Variants in RPS6KC1 observed in about 807,000 individuals in gnomAD.
RPS6KC1 encodes the protein inactive ribosomal protein S6 kinase delta-1.
RPS6KC1 carries 54 observed loss-of-function variants against 103.8 expected under a neutral mutation model. The observed-to-expected ratio is 0.52, with a 90% CI of 0.42 to 0.65. RPS6KC1 has a LOEUF of 0.65. Ranked by LOEUF, RPS6KC1 falls within the 30% of genes least tolerant of loss-of-function variation. The pLI is 0.00. For missense variants in RPS6KC1, 1,151 were observed against 1,253.8 expected (o/e 0.92, Z 1.24); for synonymous variants, 439 against 438.7 (o/e 1.00, Z -0.01).
chr1:213,772,495 T>C, the RPS6KC1 span, among the ~76,000 whole-genome samples: 1 of 152,354 alleles, frequency 6.6e-6, no homozygotes, highest in Non-Finnish European at 1.5e-5. Flanking sequence ...GTATACTTCA[T>C]TTGCTGAACT....
the RPS6KC1 span, among the ~76,000 whole-genome samples, chr1:213,552,073 T>C: frequency 1.3e-5 from 2 of 152,230 alleles, no homozygotes; most frequent in South Asian, 4.1e-4. Flanking sequence ...ACTATCTGGG[T>C]GTACCACAGG....
chr1:213,388,885 T>C, the RPS6KC1 span, among the ~76,000 whole-genome samples: 35 of 152,234 alleles, frequency 2.3e-4, no homozygotes, highest in Non-Finnish European at 4.1e-4. Flanking sequence ...GGCTCCCCTG[T>C]CTTCTTTCAG....
chr1:213,245,268 C>A (rs557645466), intron 12 of RPS6KC1, among the ~76,000 whole-genome samples: 18 of 152,260 alleles, frequency 1.2e-4, no homozygotes, highest in African/African-American at 3.8e-4. Flanking sequence ...TATTTCAATA[C>A]TTAAAAATAC....
the RPS6KC1 span, among the ~76,000 whole-genome samples, chr1:213,284,938 AAGAG>A: frequency 6.6e-6 from 1 of 152,224 alleles, no homozygotes; most frequent in Non-Finnish European, 1.5e-5. Context: ...CAGTGAAAGA[AAGAG>A]AGCCAAGGAT....
the RPS6KC1 span, among the ~76,000 whole-genome samples, chr1:213,314,041 T>G: frequency 1.3e-5 from 2 of 152,080 alleles, no homozygotes; most frequent in African/African-American, 4.8e-5. Flanking sequence ...AGGGCCCTGC[T>G]TCCTCCGAGA....
chr1:213,502,780 G>A, the RPS6KC1 span, among the ~76,000 whole-genome samples: 1 of 152,046 alleles, frequency 6.6e-6, no homozygotes, highest in Admixed American at 6.6e-5. Context: ...GTTATCTTTG[G>A]GTGACAGAAT....
the RPS6KC1 span, among the ~76,000 whole-genome samples, chr1:213,474,539 C>A: frequency 6.6e-6 from 1 of 152,130 alleles, no homozygotes; most frequent in African/African-American, 2.4e-5. Flanking sequence ...TGAAGGGGAC[C>A]TTTCCAGGAC....
chr1:213,543,345 A>C, the RPS6KC1 span, among the ~76,000 whole-genome samples: 5 of 152,278 alleles, frequency 3.3e-5, no homozygotes, highest in South Asian at 1.0e-3. Context: ...ACAAAGGTAG[A>C]GGCAACAGGG....
intron 6 of RPS6KC1, among the ~76,000 whole-genome samples, chr1:213,152,245 C>T (rs1449064611): frequency 6.9e-6 from 1 of 145,034 alleles, no homozygotes; most frequent in African/African-American, 2.6e-5. Flanking sequence ...GCCCCCACCT[C>T]CCTCCCGGAC....
At chr1:213,573,431 A>G in the RPS6KC1 span, among the ~76,000 whole-genome samples, 2 of 152,208 alleles carry the variant, frequency 1.3e-5, no homozygotes, top group Admixed American at 1.3e-4. Flanking sequence ...CATAAGAAGA[A>G]TGACCAGGGC....
the RPS6KC1 span, among the ~76,000 whole-genome samples, chr1:213,613,212 G>A: frequency 3.1e-4 from 47 of 152,346 alleles, no homozygotes; most frequent in South Asian, 4.1e-4. Flanking sequence ...TGGCCCCTGA[G>A]TGGAATAACT....
At chr1:213,701,484 T>G in the RPS6KC1 span, among the ~76,000 whole-genome samples, 1 of 152,024 alleles carries the variant, frequency 6.6e-6, no homozygotes, top group South Asian at 2.1e-4. Context: ...TTTGTATTAA[T>G]ATTCAAGTAT....
the RPS6KC1 span, among the ~76,000 whole-genome samples, chr1:213,480,751 T>C: frequency 1.3e-5 from 2 of 152,122 alleles, no homozygotes; most frequent in Non-Finnish European, 2.9e-5. Context: ...TATTCCATAT[T>C]ATACAGTAAG....
chr1:213,145,152 T>G (rs766465173), intron 6 of RPS6KC1, among the ~76,000 whole-genome samples: 10 of 152,070 alleles, frequency 6.6e-5, no homozygotes, highest in Non-Finnish European at 1.5e-4. Flanking sequence ...GACAATATAT[T>G]TAACAATGAT....
At chr1:213,590,999 G>GCTT in the RPS6KC1 span, among the ~76,000 whole-genome samples, 1 of 152,146 alleles carries the variant, frequency 6.6e-6, no homozygotes, top group African/African-American at 2.4e-5. Flanking sequence ...CATAACTGAT[G>GCTT]CTTCTCCTCT....
the RPS6KC1 span, among the ~76,000 whole-genome samples, chr1:213,623,566 C>T: frequency 4.9e-4 from 74 of 152,198 alleles, 1 homozygote; most frequent in African/African-American, 1.6e-3. Flanking sequence ...CTATGACAAA[C>T]ATCACAAGAG....
At chr1:213,733,604 T>C in the RPS6KC1 span, among the ~76,000 whole-genome samples, 1 of 147,682 alleles carries the variant, frequency 6.8e-6, no homozygotes, top group African/African-American at 2.5e-5. Flanking sequence ...ATTGAAGAAA[T>C]GAAAATATTT....
the RPS6KC1 span, among the ~76,000 whole-genome samples, chr1:213,293,440 T>A: frequency 6.6e-6 from 1 of 152,370 alleles, no homozygotes; most frequent in Middle Eastern, 3.4e-3. Flanking sequence ...TAGGATCAGA[T>A]GCCATTAATT....
intron 3 of RPS6KC1, among the ~76,000 whole-genome samples, chr1:213,096,919 G>A (rs2081511050): frequency 1.3e-5 from 2 of 152,142 alleles, no homozygotes; most frequent in Non-Finnish European, 1.5e-5. Flanking sequence ...GGTAAATAAG[G>A]AGGATTGAAA....
Sources: gnomAD v4.1 joint callset for allele counts (sites outside exome capture counted in the v4.1 genomes callset) on GRCh38, gnomAD v4.1.1 for gene constraint, MANE v1.5 for transcripts, NCBI Gene and HGNC (gene_info 2026-07-23, HGNC 2026-07-21) for gene names.